Variants in SHLD2 observed in about 807,000 individuals in gnomAD.
SHLD2 encodes RINN1-REV7-interacting novel NHEJ regulator 2.
SHLD2 carries 30 observed loss-of-function variants against 73.2 expected under a neutral mutation model. The observed-to-expected ratio is 0.41, with a 90% CI of 0.31 to 0.56. The LOEUF is 0.56. Among genes scored for constraint, SHLD2 ranks in the 20% least tolerant of loss-of-function variants. The pLI is 0.28. For synonymous variants in SHLD2, 285 were observed against 370.1 expected (o/e 0.77, Z 2.64); for missense variants, 745 against 1,055.9 (o/e 0.71, Z 4.08).
At chr10:87,142,864 T>G (rs1232769850) in intron 2 of SHLD2, among the ~76,000 whole-genome samples, 2 of 150,394 alleles carry the variant, frequency 1.3e-5, no homozygotes, top group African/African-American at 4.9e-5. Context: ...GGCATACCCC[T>G]GGCACCTACC....
chr10:87,166,981 G>GTGTA (rs1251867362), intron 4 of SHLD2, among the ~76,000 whole-genome samples: 1 of 147,978 alleles, frequency 6.8e-6, no homozygotes, highest in Non-Finnish European at 1.5e-5. Context: ...GTGTGTGTGT[G>GTGTA]TATAAATGAT....
At chr10:87,111,791 T>A (rs1842941183) in intron 2 of SHLD2, among the ~76,000 whole-genome samples, 1 of 151,432 alleles carries the variant, frequency 6.6e-6, no homozygotes, top group African/African-American at 2.4e-5. Flanking sequence ...ATTAAAAACT[T>A]CTATGTTTCA....
At chr10:87,148,571 G>A (rs1036308878) in intron 2 of SHLD2, among the ~76,000 whole-genome samples, 1 of 141,764 alleles carries the variant, frequency 7.1e-6, no homozygotes, top group Non-Finnish European at 1.5e-5. Context: ...GGGGGCGGGG[G>A]TTGGTTTTAT....
chr10:87,106,197 G>A (rs1027640607), intron 2 of SHLD2, among the ~76,000 whole-genome samples: 38 of 152,230 alleles, frequency 2.5e-4, no homozygotes, highest in African/African-American at 9.1e-4. Context: ...TAGAGACGGG[G>A]TTTCACCATG....
rs1428283496 is a variant in SHLD2 at position 87,147,011 on chromosome 10, G to A, written c.-5-4339G>A. 3.5e-5 allele frequency among the ~76,000 whole-genome samples: 5 copies of A among 144,622 alleles called. No homozygotes were observed. The South Asian group carries it at 6.6e-4, about 19-fold the overall frequency. The allele number at this position is 144,622 out of a possible 152,430, so 94.9% of individuals were successfully genotyped here. On this transcript the variant is annotated intron_variant, in intron 2 of 9. Coordinates refer to ENST00000298786, the MANE Select transcript of SHLD2 (RefSeq NM_001330112.2). ...GCAGAGGTTGCAGTGAGCTGAGATC[G>A]TGCCATTGCACTCCAGCCTGGGTGA...
intron 6 of SHLD2, among the ~76,000 whole-genome samples, chr10:87,175,347 G>C (rs1589648787): frequency 6.6e-6 from 1 of 151,456 alleles, no homozygotes; most frequent in Non-Finnish European, 1.5e-5. Flanking sequence ...TATAAATGAT[G>C]ACCGTTCAGG....
intron 8 of SHLD2, among the ~76,000 whole-genome samples, chr10:87,181,077 G>T (rs1368489899): frequency 6.6e-6 from 1 of 151,822 alleles, no homozygotes; most frequent in Non-Finnish European, 1.5e-5. Flanking sequence ...TGGAAAAGAA[G>T]ATTGAATTAA....
intron 2 of SHLD2, among the ~76,000 whole-genome samples, chr10:87,144,767 C>T (rs531202933): frequency 6.7e-6 from 1 of 148,754 alleles, no homozygotes; most frequent in South Asian, 2.1e-4. Flanking sequence ...GCTGGGACTA[C>T]AGGCGCCCGC....
At chr10:87,110,396 T>G (rs902512401) in intron 2 of SHLD2, among the ~76,000 whole-genome samples, 6 of 152,130 alleles carry the variant, frequency 3.9e-5, no homozygotes, top group Admixed American at 3.3e-4. Flanking sequence ...GATCACAAGG[T>G]CAAGAGTTCG....
At chr10:87,128,687 G>C (rs147132291) in intron 2 of SHLD2, among the ~76,000 whole-genome samples, 2,123 of 152,276 alleles carry the variant, frequency 0.014, 35 homozygotes, top group South Asian at 0.057. Context: ...CCTGTTGAAA[G>C]TACAAAATCA....
intron 7 of SHLD2, among the ~76,000 whole-genome samples, chr10:87,178,161 A>C (rs1276346872): frequency 2.9e-5 from 4 of 138,558 alleles, no homozygotes; most frequent in Non-Finnish European, 6.1e-5. Flanking sequence ...GCTTGAACGC[A>C]GGAGGCAGAG....
intron 2 of SHLD2, among the ~76,000 whole-genome samples, chr10:87,108,691 T>C (rs540826362): frequency 2.0e-5 from 3 of 152,350 alleles, no homozygotes; most frequent in East Asian, 3.8e-4. Context: ...CTTGCCACTT[T>C]AGGATAAAAA....
At chr10:87,126,673 A>G (rs1388920728) in intron 2 of SHLD2, among the ~76,000 whole-genome samples, 2 of 152,134 alleles carry the variant, frequency 1.3e-5, no homozygotes. Flanking sequence ...AGTCTGAGTG[A>G]TGTGTGACCA....
intron 2 of SHLD2, among the ~76,000 whole-genome samples, chr10:87,138,505 CA>C (rs758615042): frequency 1.3e-5 from 2 of 151,852 alleles, no homozygotes; most frequent in Non-Finnish European, 2.9e-5. Context: ...GACCTGGACT[CA>C]AAAAACATTA....
intron 2 of SHLD2, among the ~76,000 whole-genome samples, chr10:87,112,038 C>A (rs933609670): frequency 2.6e-5 from 4 of 151,142 alleles, no homozygotes; most frequent in Non-Finnish European, 5.9e-5. Context: ...GAGATCGAGA[C>A]CATCCTGGCT....
intron 2 of SHLD2, among the ~76,000 whole-genome samples, chr10:87,145,394 A>T (rs1845532630): frequency 6.6e-6 from 1 of 152,082 alleles, no homozygotes; most frequent in Non-Finnish European, 1.5e-5. Flanking sequence ...ACTTAACTTC[A>T]ATAATTTCAA....
chr10:87,114,359 A>G (rs1183337621), intron 2 of SHLD2: 1 of 152,244 alleles, frequency 6.6e-6, no homozygotes, highest in Non-Finnish European at 1.5e-5. Flanking sequence ...TATTATATTT[A>G]TAAAGATCAC....
intron 7 of SHLD2, among the ~76,000 whole-genome samples, chr10:87,178,408 ATT>A (rs1166390094): frequency 6.7e-6 from 1 of 149,100 alleles, no homozygotes; most frequent in Non-Finnish European, 1.5e-5. Context: ...AAAAATCGAA[ATT>A]TTTTTTTTTA....
chr10:87,168,141 G>T (rs1847335423), intron 4 of SHLD2, among the ~76,000 whole-genome samples: 1 of 151,924 alleles, frequency 6.6e-6, no homozygotes, highest in Non-Finnish European at 1.5e-5. Context: ...ATATCCAAAA[G>T]AAAACAAATT....
Sources: gnomAD v4.1 joint callset for allele counts (sites outside exome capture counted in the v4.1 genomes callset) on GRCh38, gnomAD v4.1.1 for gene constraint, MANE v1.5 for transcripts, NCBI Gene and HGNC (gene_info 2026-07-23, HGNC 2026-07-21) for gene names.